The following UMAD1 variants were observed in gnomAD, a reference collection of about 807,000 sequenced individuals.
UMAD1 encodes the protein UBAP1-MVB12-associated (UMA)-domain containing protein 1.
A neutral mutation model predicts 6.1 loss-of-function variants in UMAD1; 8 were observed. That is an observed-to-expected ratio of 1.30 (90% CI 0.76 to 2.35). The LOEUF is 2.35. Among genes scored for constraint, UMAD1 ranks in the 30% most tolerant of loss-of-function variants. UMAD1 has a pLI of 0.00. For synonymous variants in UMAD1, 56 were observed against 31.4 expected, an observed-to-expected ratio of 1.78 and a Z score of -2.61; for missense variants, 130 against 78.4, an observed-to-expected ratio of 1.66 and a Z score of -2.49.
At chr7:7,850,872 T>G (rs1471919551) in intron 3 of UMAD1, among the ~76,000 whole-genome samples, 2 of 152,124 alleles carry the variant, frequency 1.3e-5, no homozygotes, top group Non-Finnish European at 2.9e-5. Context: ...ATACATTTCT[T>G]TTAAGTTCAT....
chr7:7,756,624 A>G lies in UMAD1; in HGVS notation c.83-45046A>G, dbSNP rs188462428. ...TGTGCTGGTCACTATTGTCTCCCAC[A>G]TCATGGGTTGCTTTTTACTAGATGT... On this transcript the variant is annotated intron_variant, in intron 2 of 3. Transcript: ENST00000682710. Among the ~76,000 whole-genome samples the G allele has an allele frequency of 3.7e-3, 560 of 152,262 alleles. 3 individuals carry two copies. The highest frequency in any genetic ancestry group is 0.013 in the African/African-American group (526 of 41,540).
chr7:7,816,713 C>A (rs1169135599), intron 3 of UMAD1, among the ~76,000 whole-genome samples: 2 of 152,192 alleles, frequency 1.3e-5, no homozygotes, highest in African/African-American at 2.4e-5. Flanking sequence ...CTTCCTCTTT[C>A]ATTCTCAACC....
rs766873638 is a variant in UMAD1, at chr7:7,816,215, C to G, written c.156+14472C>G. 6.7e-4 allele frequency among the ~76,000 whole-genome samples: 102 copies of G among 152,140 alleles called. 1 individual carries two copies. Among genetic ancestry groups the G allele is most frequent in the Middle Eastern group, 6.3e-3 (2 of 316 alleles). ...AAAAAAAACAGTAACATTAATGGAA[C>G]CGGAATTGAGACTTGCGCCTGACTA... On this transcript the variant is annotated intron_variant, in intron 3 of 3. Transcript: ENST00000682710.
intron 2 of UMAD1, chr7:7,738,559 C>T (rs984717710): frequency 6.6e-6 from 1 of 152,214 alleles, no homozygotes. Flanking sequence ...TTTATTTGTC[C>T]TTGTAACCAA....
At chr7:7,709,958 C>G (rs544863087) in intron 2 of UMAD1, among the ~76,000 whole-genome samples, 1 of 151,982 alleles carries the variant, frequency 6.6e-6, no homozygotes, top group African/African-American at 2.4e-5. Context: ...TTTGGGGTCT[C>G]TTTTTAAATA....
In UMAD1 at chr7:7,835,355, TTA is replaced by T. The variant is rs1783544797; in HGVS notation, c.156+33616_156+33617del. 2.6e-5 allele frequency among the ~76,000 whole-genome samples: 4 copies of T among 151,650 alleles called. No homozygotes were observed. In the South Asian group the frequency reaches 8.3e-4, roughly 31 times the overall value. ...TTCTAAAAGCATTTTGCTGTCACTTTTATATGACATTTTCATTGTAACTTCTG... is the reference window on the plus strand; with the variant it reads ...TTCTAAAAGCATTTTGCTGTCACTTTTATGACATTTTCATTGTAACTTCTG... On this transcript the variant is annotated intron_variant, in intron 3 of 3. Transcript: ENST00000682710.
At chr7:7,848,151 C>T (rs1783846061) in intron 3 of UMAD1, among the ~76,000 whole-genome samples, 1 of 152,094 alleles carries the variant, frequency 6.6e-6, no homozygotes, top group Non-Finnish European at 1.5e-5. Context: ...TAATCAACTA[C>T]AGTATAACCT....
chr7:7,696,684 A>T (rs186170846), intron 2 of UMAD1, among the ~76,000 whole-genome samples: 1 of 152,072 alleles, frequency 6.6e-6, no homozygotes, highest in Non-Finnish European at 1.5e-5. Flanking sequence ...TAAATAAAGC[A>T]CTCCGTAAAG....
chr7:7,824,867 A>G (rs532271919), intron 3 of UMAD1, among the ~76,000 whole-genome samples: 3 of 152,266 alleles, frequency 2.0e-5, no homozygotes, highest in African/African-American at 4.8e-5. Context: ...TTTCACATCA[A>G]TTGGTGAATA....
intron 1 of UMAD1, among the ~76,000 whole-genome samples, chr7:7,648,158 G>C (rs752478482): frequency 6.6e-6 from 1 of 152,192 alleles, no homozygotes; most frequent in Non-Finnish European, 1.5e-5. Flanking sequence ...TCTTAAAGAA[G>C]TCATTTCGTT....
At chr7:7,835,429 T>C (rs919897053) in intron 3 of UMAD1, among the ~76,000 whole-genome samples, 1 of 145,590 alleles carries the variant, frequency 6.9e-6, no homozygotes, top group African/African-American at 2.5e-5. Flanking sequence ...TGCTCTGTGA[T>C]TTTCATTCAT....
At chr7:7,730,117 C>G (rs1450656713) in intron 2 of UMAD1, among the ~76,000 whole-genome samples, 1 of 152,208 alleles carries the variant, frequency 6.6e-6, no homozygotes, top group East Asian at 1.9e-4. Flanking sequence ...TCACAACTGT[C>G]ATATGGGCAC....
intron 2 of UMAD1, among the ~76,000 whole-genome samples, chr7:7,794,527 G>A (rs1281796806): frequency 6.6e-6 from 1 of 152,060 alleles, no homozygotes; most frequent in Non-Finnish European, 1.5e-5. Flanking sequence ...ATTATGACAG[G>A]AGAGATCTTG....
At chr7:7,647,639 C>T (rs1412096002) in intron 1 of UMAD1, among the ~76,000 whole-genome samples, 1 of 152,162 alleles carries the variant, frequency 6.6e-6, no homozygotes, top group African/African-American at 2.4e-5. Flanking sequence ...ACAGGGTCTT[C>T]CTCTGTTGCT....
At chr7:7,774,323 A>G (rs1427867669) in intron 2 of UMAD1, among the ~76,000 whole-genome samples, 1 of 152,238 alleles carries the variant, frequency 6.6e-6, no homozygotes, top group Non-Finnish European at 1.5e-5. Context: ...TTGAAGGTAG[A>G]TAGCAGCAGG....
chr7:7,849,430 G>T (rs2115322848), intron 3 of UMAD1, among the ~76,000 whole-genome samples: 1 of 152,264 alleles, frequency 6.6e-6, no homozygotes, highest in Non-Finnish European at 1.5e-5. Context: ...TAGTTGTAGG[G>T]TTATGCACAT....
intron 2 of UMAD1, among the ~76,000 whole-genome samples, chr7:7,680,392 G>A (rs967120473): frequency 6.6e-6 from 1 of 151,936 alleles, no homozygotes; most frequent in Non-Finnish European, 1.5e-5. Flanking sequence ...GGTTCCATTC[G>A]TCCATGTGTC....
At position 7,784,188 on chromosome 7, in the gene UMAD1, G is replaced by A. The variant is rs528473812; in HGVS notation, c.83-17482G>A. Among the ~76,000 whole-genome samples, 20 of 152,110 alleles carry A rather than the reference G, an allele frequency of 1.3e-4. 1 individual carries two copies. In the South Asian group the frequency reaches 4.1e-3, roughly 32 times the overall value. On this transcript the variant is annotated intron_variant, in intron 2 of 3. Transcript: ENST00000682710. The stretch of plus-strand genomic sequence containing the variant: ...CTGGGAACTTTTTAAACTCTCTTTT[G>A]TTATTTGCTTCACTTATTAAATCAG...
chr7:7,697,273 A>G (rs1344295253), intron 2 of UMAD1, among the ~76,000 whole-genome samples: 1 of 152,166 alleles, frequency 6.6e-6, no homozygotes, highest in Non-Finnish European at 1.5e-5. Context: ...GATATCTTCT[A>G]TCTAATTATT....
Sources: gnomAD v4.1 joint callset for allele counts (sites outside exome capture counted in the v4.1 genomes callset) on GRCh38, gnomAD v4.1.1 for gene constraint, MANE v1.5 for transcripts, NCBI Gene and HGNC (gene_info 2026-07-23, HGNC 2026-07-21) for gene names.